FAM20B: variants seen among roughly 807,000 people sequenced by gnomAD.
FAM20B encodes the protein glycosaminoglycan xylosylkinase.
FAM20B carries 23 observed loss-of-function variants against 43.8 expected under a neutral mutation model. That is an observed-to-expected ratio of 0.53 (90% CI 0.38 to 0.74). FAM20B has a LOEUF of 0.74. Among genes scored for constraint, FAM20B ranks in the 30% least tolerant of loss-of-function variants. The pLI, the probability that FAM20B is intolerant of heterozygous loss-of-function variation, is 0.00. For missense variants in FAM20B, 440 were observed against 510.5 expected, an observed-to-expected ratio of 0.86 and a Z score of 1.33; for synonymous variants, 178 against 192.4, an observed-to-expected ratio of 0.93 and a Z score of 0.62.
At position 179,075,679 on chromosome 1, in the gene FAM20B, ATTATT is replaced by A. The variant is rs1652100940; in HGVS notation, c.*3538_*3542del. On this transcript the variant is annotated 3_prime_UTR_variant, in exon 8 of 8. Transcript: ENST00000263733. ...AAGAATTCAGGTACATTAATTGCATATTATTTTGGGAAAGATGAGTCCTATACGTG... is the reference window on the plus strand; with the variant it reads ...AAGAATTCAGGTACATTAATTGCATATTGGGAAAGATGAGTCCTATACGTG... The A allele has an allele frequency of 6.6e-6, 1 of 152,522 alleles. No homozygotes were observed. Among genetic ancestry groups the A allele is most frequent in the South Asian group, 2.1e-4 (1 of 4,822 alleles). 9.4% of individuals were successfully genotyped at this position (152,522 alleles called of 1,614,324 possible). A position where few individuals can be genotyped will look rare whatever the true frequency, so the allele number is the denominator to read the frequency against.
At chr1:179,026,716 C>T (rs1310720406) in intron 1 of FAM20B, among the ~76,000 whole-genome samples, 1 of 152,244 alleles carries the variant, frequency 6.6e-6, no homozygotes, top group Non-Finnish European at 1.5e-5. Context: ...TGTTAGCCCT[C>T]AGTGGGCTGC....
At chr1:179,046,376 C>A (rs902242551) in intron 2 of FAM20B, among the ~76,000 whole-genome samples, 4 of 152,216 alleles carry the variant, frequency 2.6e-5, no homozygotes, top group African/African-American at 9.6e-5. Context: ...GATGGCCGGG[C>A]ACGGTGGCTC....
intron 4 of FAM20B, among the ~76,000 whole-genome samples, chr1:179,060,285 T>G (rs1651407622): frequency 6.6e-6 from 1 of 152,188 alleles, no homozygotes; most frequent in South Asian, 2.1e-4. Context: ...ATAACCAGAA[T>G]TTTATTGGAC....
the FAM20B span, among the ~76,000 whole-genome samples, chr1:179,020,748 C>T: frequency 1.8e-4 from 27 of 152,252 alleles, no homozygotes; most frequent in African/African-American, 6.0e-4. Flanking sequence ...CAAATTTTTG[C>T]AGATGGGGGC....
At chr1:179,055,718 T>C (rs1211878258) in intron 4 of FAM20B, among the ~76,000 whole-genome samples, 3 of 152,118 alleles carry the variant, frequency 2.0e-5, no homozygotes, top group African/African-American at 7.2e-5. Context: ...ACTCACACAT[T>C]GTATGAAGTG....
At chr1:179,065,147 C>CTT (rs558786524) in intron 6 of FAM20B, among the ~76,000 whole-genome samples, 3 of 146,938 alleles carry the variant, frequency 2.0e-5, no homozygotes, top group African/African-American at 7.5e-5. Flanking sequence ...TAGTGCCACA[C>CTT]TTTTTTTTTT....
intron 1 of FAM20B, among the ~76,000 whole-genome samples, chr1:179,040,427 T>G (rs1413341687): frequency 8.2e-6 from 1 of 122,586 alleles, no homozygotes; most frequent in Non-Finnish European, 1.7e-5. Flanking sequence ...CACTTCCCAG[T>G]AGGGGCGGCC....
intron 3 of FAM20B, among the ~76,000 whole-genome samples, chr1:179,051,984 G>A (rs1353771572): frequency 6.7e-6 from 1 of 148,756 alleles, no homozygotes; most frequent in Admixed American, 6.6e-5. Flanking sequence ...AAAAAAAAAG[G>A]TGAAATGTTT....
upstream of FAM20B, among the ~76,000 whole-genome samples, chr1:179,025,004 C>T (rs76894687): frequency 0.024 from 3,584 of 152,298 alleles, 94 homozygotes; most frequent in East Asian, 0.072. Context: ...CAGTCTTTCC[C>T]CATCACGCAT....
At chr1:179,049,301 A>G (rs1176903857) in intron 2 of FAM20B, among the ~76,000 whole-genome samples, 2 of 152,136 alleles carry the variant, frequency 1.3e-5, no homozygotes, top group Non-Finnish European at 2.9e-5. Flanking sequence ...GAGAAGAGAA[A>G]GGTTTTGCTC....
chr1:179,062,957 G>A (rs1651532168), intron 4 of FAM20B, among the ~76,000 whole-genome samples: 1 of 152,092 alleles, frequency 6.6e-6, no homozygotes. Flanking sequence ...TAATGAAGAA[G>A]AGGAGGATGT....
In FAM20B at chr1:179,073,634, C is replaced by T. The variant is rs1440966017; in HGVS notation, c.*1490C>T. ...CACCGTGGCCGGCCAAGATTTTAAG[C>T]CTTCTGAGCCTTGAAATTGAGGAGG... is the stretch of plus-strand genomic sequence containing the variant. On this transcript the variant is annotated 3_prime_UTR_variant, in exon 8 of 8. Transcript: ENST00000263733. 1.3e-5 allele frequency: 2 copies of T among 152,188 alleles called. No individual in the cohort carries two copies. The highest frequency in any genetic ancestry group is 3.9e-4 in the East Asian group (2 of 5,166). 9.4% of individuals were successfully genotyped at this position (152,188 alleles called of 1,614,324 possible). A position where few individuals can be genotyped will look rare whatever the true frequency, so the allele number is the denominator to read the frequency against.
At position 179,054,581 on chromosome 1, in the gene FAM20B, C is replaced by T. The variant is rs201200050; in HGVS notation, c.517C>T (p.Arg173Trp). The change falls in exon 4 of 8, where the codon CGG (arginine) becomes TGG (tryptophan). Residue 173 changes from arginine to tryptophan, a missense_variant. Coordinates refer to ENST00000263733, the MANE Select transcript of FAM20B (RefSeq NM_014864.4). ...GGTAGTTGGCAGATTTGTTAATCTT[C>T]GGACAGAGATCAAACCTGTCGCCAC... Reference protein sequence around the residue: ...PLVVGRFVNLRTEIKPVATEQ... With the variant: ...PLVVGRFVNLWTEIKPVATEQ... 172 of 1,612,964 alleles carry T rather than the reference C, an allele frequency of 1.1e-4. No individual in the cohort carries two copies. The highest frequency in any genetic ancestry group is 1.7e-4 in the Middle Eastern group (1 of 6,056).
chr1:179,054,764 G>T (rs529334438), intron 4 of FAM20B, 126 bp downstream of exon 4: 2 of 504,516 alleles, frequency 4.0e-6, no homozygotes, highest in Non-Finnish European at 7.1e-6. Context: ...AAGCAAATCA[G>T]ACAACCAGCT....
intron 7 of FAM20B, among the ~76,000 whole-genome samples, chr1:179,068,625 G>A (rs1475023682): frequency 6.6e-6 from 1 of 151,910 alleles, no homozygotes; most frequent in Non-Finnish European, 1.5e-5. Context: ...TAGTAGAGAC[G>A]GGGTTTCACC....
rs138687114 is a variant in FAM20B at position 179,054,065 on chromosome 1, A to G, written c.465-464A>G. On this transcript the variant is annotated intron_variant, in intron 3 of 7. Transcript: ENST00000263733. ...ATTAGAGATATCTTCAAATGTCTCT[A>G]TATTTAATTTGCTCTGTGGGCTTAG... Among the ~76,000 whole-genome samples, 378 of 148,542 alleles carry G rather than the reference A, an allele frequency of 2.5e-3. 5 individuals carry two copies. The highest frequency in any genetic ancestry group is 9.0e-3 in the African/African-American group (368 of 40,754).
intron 3 of FAM20B, among the ~76,000 whole-genome samples, chr1:179,053,027 A>G (rs1395211167): frequency 6.6e-6 from 1 of 152,212 alleles, no homozygotes. Context: ...TCACAGCAGG[A>G]CACCTATTTG....
intron 2 of FAM20B, among the ~76,000 whole-genome samples, chr1:179,045,832 C>T (rs758125445): frequency 5.3e-5 from 8 of 151,162 alleles, no homozygotes; most frequent in Non-Finnish European, 7.4e-5. Flanking sequence ...AGTTTGAGGC[C>T]GCAGCAAGCC....
At chr1:179,037,350 T>A (rs931614200) in intron 1 of FAM20B, among the ~76,000 whole-genome samples, 1 of 82,194 alleles carries the variant, frequency 1.2e-5, no homozygotes, top group Non-Finnish European at 2.2e-5. Context: ...TGAAAACTTG[T>A]TTAGTCTCTT....
Sources: gnomAD v4.1 joint callset for allele counts (sites outside exome capture counted in the v4.1 genomes callset) on GRCh38, gnomAD v4.1.1 for gene constraint, MANE v1.5 for transcripts, NCBI Gene and HGNC (gene_info 2026-07-23, HGNC 2026-07-21) for gene names.